The following ZNF536 variants were observed in gnomAD, a reference collection of about 807,000 sequenced individuals.
ZNF536 encodes zinc finger protein 536.
ZNF536 carries 13 observed loss-of-function variants against 84.5 expected under a neutral mutation model. The observed-to-expected ratio is 0.15, with a 90% CI of 0.10 to 0.24. ZNF536 has a LOEUF of 0.24. Among genes scored for constraint, ZNF536 ranks in the 10% least tolerant of loss-of-function variants. The pLI, the probability that ZNF536 is intolerant of heterozygous loss-of-function variation, is 1.00. For missense variants in ZNF536, 1,536 were observed against 1,747.5 expected, an observed-to-expected ratio of 0.88 and a Z score of 2.16; for synonymous variants, 811 against 742.5, an observed-to-expected ratio of 1.09 and a Z score of -1.50.
intron 1 of ZNF536, among the ~76,000 whole-genome samples, chr19:30,234,767 ACACACACG>A (rs2023350495): frequency 6.9e-6 from 1 of 144,464 alleles, no homozygotes; most frequent in African/African-American, 2.7e-5. Flanking sequence ...ACACACACAC[ACACACACG>A]CGCACACGCA....
intron 3 of ZNF536, among the ~76,000 whole-genome samples, chr19:30,360,798 A>C (rs1231810098): frequency 6.6e-6 from 1 of 152,236 alleles, no homozygotes; most frequent in Non-Finnish European, 1.5e-5. Context: ...GTGGTAGTGA[A>C]AGAAATGTGT....
At chr19:30,383,212 C>A (rs540155474) in intron 1 of ZNF536, among the ~76,000 whole-genome samples, 1 of 152,304 alleles carries the variant, frequency 6.6e-6, no homozygotes, top group East Asian at 1.9e-4. Context: ...ATTGCTTGAA[C>A]CCAGGAGGCG....
chr19:30,262,512 A>C (rs904643333), intron 1 of ZNF536, among the ~76,000 whole-genome samples: 2 of 152,228 alleles, frequency 1.3e-5, no homozygotes, highest in Non-Finnish European at 2.9e-5. Flanking sequence ...GCAGCAAGGC[A>C]GTCCTGTGCT....
intron 1 of ZNF536, among the ~76,000 whole-genome samples, chr19:30,402,796 A>AAAATATATAT (rs1555744992): frequency 8.2e-5 from 7 of 85,598 alleles, no homozygotes; most frequent in Admixed American, 1.5e-4. Context: ...AAAATTAAAA[A>AAAATATATAT]ATATATATAT....
At chr19:30,628,299 C>T (rs2048760542) in intron 1 of ZNF536, among the ~76,000 whole-genome samples, 1 of 152,232 alleles carries the variant, frequency 6.6e-6, no homozygotes, top group South Asian at 2.1e-4. Context: ...CTGCCACCAC[C>T]CCAGGACCCT....
chr19:30,411,684 A>G (rs2050501526), intron 1 of ZNF536, among the ~76,000 whole-genome samples: 1 of 152,102 alleles, frequency 6.6e-6, no homozygotes, highest in Admixed American at 6.5e-5. Flanking sequence ...GTATACTACC[A>G]CATTATTTCA....
chr19:30,307,872 G>T (rs1204418175), intron 2 of ZNF536, among the ~76,000 whole-genome samples: 1 of 152,152 alleles, frequency 6.6e-6, no homozygotes, highest in East Asian at 1.9e-4. Flanking sequence ...AGCGTAACTT[G>T]GCCTCTCTTT....
intron 2 of ZNF536, among the ~76,000 whole-genome samples, chr19:30,337,531 C>G (rs976145201): frequency 1.3e-5 from 2 of 152,214 alleles, no homozygotes; most frequent in South Asian, 4.1e-4. Context: ...TTCCTGGGCA[C>G]CACAAACCAG....
intron 1 of ZNF536, among the ~76,000 whole-genome samples, chr19:30,646,917 C>CT (rs796996603): frequency 5.9e-5 from 9 of 152,168 alleles, no homozygotes; most frequent in African/African-American, 2.2e-4. Context: ...AGTCAGTCTC[C>CT]TTTTTTTATC....
At chr19:30,268,514 C>T (rs12151059) in intron 1 of ZNF536, among the ~76,000 whole-genome samples, 43,602 of 152,052 alleles carry the variant, frequency 0.29, 8,137 homozygotes, top group Non-Finnish European at 0.41. Flanking sequence ...AGTGCTGGCT[C>T]TCTAGAGCCC....
intron 1 of ZNF536, among the ~76,000 whole-genome samples, chr19:30,656,491 T>C (rs563109915): frequency 1.3e-5 from 2 of 152,354 alleles, no homozygotes; most frequent in South Asian, 2.1e-4. Context: ...TCTGTCTCCC[T>C]GTGCCCTGTG....
At chr19:30,278,043 G>A (rs1037227281) in intron 1 of ZNF536, among the ~76,000 whole-genome samples, 7 of 152,160 alleles carry the variant, frequency 4.6e-5, no homozygotes, top group Non-Finnish European at 8.8e-5. Flanking sequence ...CTTGGGACCC[G>A]ATGTTTTGAA....
chr19:30,655,494 G>A (rs1165432700), intron 1 of ZNF536, among the ~76,000 whole-genome samples: 1 of 152,130 alleles, frequency 6.6e-6, no homozygotes, highest in Non-Finnish European at 1.5e-5. Flanking sequence ...AGAAACTGAG[G>A]GTGAACTCAG....
chr19:30,681,070 C>T (rs1185363009), intron 1 of ZNF536, among the ~76,000 whole-genome samples: 1 of 152,172 alleles, frequency 6.6e-6, no homozygotes, highest in East Asian at 1.9e-4. Flanking sequence ...GCACCCCGCC[C>T]CTTTCTATTC....
chr19:30,534,905 C>T lies in ZNF536; in HGVS notation c.2229C>T (p.Asp743=). 1.9e-6 allele frequency: 3 copies of T among 1,613,892 alleles called. No individual in the cohort carries two copies. The highest frequency in any genetic ancestry group is 1.7e-6 in the Non-Finnish European group (2 of 1,179,866). The part of the protein sequence containing the change: ...AGVQQPALLR[D]RSLGSAMKDC... ...TCCAGCAACCAGCGCTGCTTCGCGA[C>T]AGAAGCCTGGGCTCGGCCATGAAGG... Residue 743 remains aspartate (D), a synonymous_variant, in exon 3 of 5, where the codon GAC becomes GAT. Coordinates refer to ENST00000355537, the MANE Select transcript of ZNF536 (RefSeq NM_014717.3).
At chr19:30,668,839 G>A (rs1339798112) in intron 1 of ZNF536, among the ~76,000 whole-genome samples, 2 of 152,312 alleles carry the variant, frequency 1.3e-5, no homozygotes, top group East Asian at 3.9e-4. Flanking sequence ...CGATTCCTGA[G>A]GACCACCTGT....
chr19:30,353,557 C>A (rs2048002281), intron 3 of ZNF536, among the ~76,000 whole-genome samples: 1 of 152,080 alleles, frequency 6.6e-6, no homozygotes, highest in African/African-American at 2.4e-5. Flanking sequence ...CTTCTCAGAG[C>A]ACTGGGTCTC....
chr19:30,413,157 T>A (rs2050566960), intron 1 of ZNF536, among the ~76,000 whole-genome samples: 1 of 152,312 alleles, frequency 6.6e-6, no homozygotes, highest in East Asian at 1.9e-4. Context: ...TCAAAGAAAC[T>A]GTTTTTAGTT....
chr19:30,451,077 C>G (rs997916654), intron 2 of ZNF536, among the ~76,000 whole-genome samples: 20 of 152,250 alleles, frequency 1.3e-4, no homozygotes, highest in Non-Finnish European at 2.4e-4. Flanking sequence ...GGCCAAGGCC[C>G]GTCCCCTGAG....
Sources: gnomAD v4.1 joint callset for allele counts (sites outside exome capture counted in the v4.1 genomes callset) on GRCh38, gnomAD v4.1.1 for gene constraint, MANE v1.5 for transcripts, NCBI Gene and HGNC (gene_info 2026-07-23, HGNC 2026-07-21) for gene names.